Variants in RBFOX1 observed in about 807,000 individuals in gnomAD.
RBFOX1 encodes the protein RNA binding fox-1 homolog 1.
A neutral mutation model predicts 57.7 loss-of-function variants in RBFOX1; 8 were observed. That is an observed-to-expected ratio of 0.14 (90% CI 0.08 to 0.25). RBFOX1 has a LOEUF of 0.25. Ranked by LOEUF, RBFOX1 falls within the 10% of genes least tolerant of loss-of-function variation. The pLI is 1.00. For synonymous variants in RBFOX1, 326 were observed against 222.4 expected (o/e 1.47, Z -4.15); for missense variants, 611 against 548.5 (o/e 1.11, Z -1.14).
intron 3 of RBFOX1, among the ~76,000 whole-genome samples, chr16:6,729,585 C>A (rs563510494): frequency 5.3e-4 from 80 of 152,210 alleles, no homozygotes; most frequent in African/African-American, 1.9e-3. Flanking sequence ...ATTATCAAAA[C>A]CCTAGAGGGA....
chr16:5,638,945 C>G (rs1596543318), intron 3 of RBFOX1, among the ~76,000 whole-genome samples: 1 of 152,172 alleles, frequency 6.6e-6, no homozygotes, highest in South Asian at 2.1e-4. Flanking sequence ...CTCTGTGATT[C>G]CTACAGAAAT....
At chr16:6,119,592 C>G (rs1012852441) in intron 1 of RBFOX1, among the ~76,000 whole-genome samples, 1 of 152,146 alleles carries the variant, frequency 6.6e-6, no homozygotes, top group Non-Finnish European at 1.5e-5. Flanking sequence ...ATTTTTCATT[C>G]TCCTCCATTT....
intron 2 of RBFOX1, among the ~76,000 whole-genome samples, chr16:6,551,735 T>A (rs2096992847): frequency 6.6e-6 from 1 of 152,134 alleles, no homozygotes; most frequent in Non-Finnish European, 1.5e-5. Context: ...GTCTGATGAT[T>A]GATAATAAGG....
At chr16:5,854,529 A>G (rs1370378733) in intron 3 of RBFOX1, among the ~76,000 whole-genome samples, 3 of 151,882 alleles carry the variant, frequency 2.0e-5, no homozygotes, top group Non-Finnish European at 4.4e-5. Context: ...AGGCTGAATA[A>G]TGGTGTTTAT....
chr16:6,460,943 T>C (rs1038194893), intron 2 of RBFOX1, among the ~76,000 whole-genome samples: 1 of 151,930 alleles, frequency 6.6e-6, no homozygotes, highest in Non-Finnish European at 1.5e-5. Flanking sequence ...ACTGAGATCA[T>C]GTCCTTTGCA....
At chr16:7,140,186 CT>C in intron 4 of RBFOX1, among the ~76,000 whole-genome samples, 1 of 144,730 alleles carries the variant, frequency 6.9e-6, no homozygotes, top group Admixed American at 6.8e-5. Context: ...CTCTCTCTCT[CT>C]CTCTCTCCCT....
At chr16:7,084,954 CTATG>C (rs747149636) in intron 4 of RBFOX1, among the ~76,000 whole-genome samples, 10 of 152,094 alleles carry the variant, frequency 6.6e-5, no homozygotes, top group Non-Finnish European at 1.3e-4. Flanking sequence ...ATTCATCTAT[CTATG>C]TATCTGTCTG....
intron 4 of RBFOX1, among the ~76,000 whole-genome samples, chr16:5,928,826 G>C (rs1464453801): frequency 6.6e-6 from 1 of 151,998 alleles, no homozygotes; most frequent in African/African-American, 2.4e-5. Context: ...TGGAAGGTTA[G>C]AAATCTTTTG....
In RBFOX1 at chr16:5,589,641, C is replaced by A. The variant is rs149959635; in HGVS notation, c.259-9261C>A. ...AGTGGCTAGTCCTAGGCCAGTTCTC[C>A]AGGATGTGTAACCTTTGGCAAAGTC... On this transcript the variant is annotated intron_variant, in intron 2 of 2. Coordinates refer to the RBFOX1 transcript ENST00000585867. 1.8e-3 allele frequency among the ~76,000 whole-genome samples: 275 copies of A among 152,304 alleles called. 1 individual carries two copies. The highest frequency in any genetic ancestry group is 6.3e-3 in the African/African-American group (263 of 41,560).
At chr16:5,938,198 T>C (rs1374869525) in intron 4 of RBFOX1, among the ~76,000 whole-genome samples, 2 of 152,184 alleles carry the variant, frequency 1.3e-5, no homozygotes, top group Non-Finnish European at 2.9e-5. Context: ...ATTCTACCTA[T>C]CTTGGTGTCT....
intron 4 of RBFOX1, among the ~76,000 whole-genome samples, chr16:7,223,840 A>G (rs189787728): frequency 6.6e-6 from 1 of 151,720 alleles, no homozygotes; most frequent in Non-Finnish European, 1.5e-5. Flanking sequence ...TTTTTTTGGT[A>G]GAAATAGCCA....
chr16:6,131,972 C>A (rs1381656673), intron 1 of RBFOX1, among the ~76,000 whole-genome samples: 1 of 152,176 alleles, frequency 6.6e-6, no homozygotes, highest in East Asian at 1.9e-4. Flanking sequence ...AACTGATCTG[C>A]CTTCGTGATG....
At chr16:7,021,605 T>G (rs1040947303) in intron 3 of RBFOX1, among the ~76,000 whole-genome samples, 4 of 146,486 alleles carry the variant, frequency 2.7e-5, no homozygotes, top group Admixed American at 6.9e-5. Context: ...ATTTTATTTT[T>G]TATAAAATAT....
intron 1 of RBFOX1, among the ~76,000 whole-genome samples, chr16:6,132,348 A>G (rs549380354): frequency 3.3e-5 from 5 of 152,326 alleles, no homozygotes; most frequent in Admixed American, 6.5e-5. Context: ...CTAGCATAGA[A>G]TCATGCGAAT....
intron 1 of RBFOX1, among the ~76,000 whole-genome samples, chr16:6,245,073 A>T (rs11077018): frequency 6.6e-6 from 1 of 151,988 alleles, no homozygotes; most frequent in Non-Finnish European, 1.5e-5. Context: ...TTCTTGGCAG[A>T]AGCTATATCT....
At chr16:5,511,380 G>A (rs1044038089) in intron 2 of RBFOX1, among the ~76,000 whole-genome samples, 8 of 152,150 alleles carry the variant, frequency 5.3e-5, no homozygotes, top group Non-Finnish European at 1.0e-4. Context: ...GTGGTGGGGG[G>A]TGCCTTTATT....
intron 3 of RBFOX1, among the ~76,000 whole-genome samples, chr16:5,825,386 A>G (rs1221370103): frequency 1.3e-5 from 2 of 152,208 alleles, no homozygotes; most frequent in African/African-American, 4.8e-5. Flanking sequence ...CATTTCCTGT[A>G]TACAATCACA....
At chr16:7,140,974 G>A (rs2073606694) in intron 4 of RBFOX1, among the ~76,000 whole-genome samples, 2 of 152,192 alleles carry the variant, frequency 1.3e-5, no homozygotes, top group African/African-American at 4.8e-5. Flanking sequence ...GAGAAGGAGG[G>A]AGTGAAGAGG....
chr16:7,150,373 T>C (rs1048627075), intron 4 of RBFOX1, among the ~76,000 whole-genome samples: 1 of 152,132 alleles, frequency 6.6e-6, no homozygotes, highest in Non-Finnish European at 1.5e-5. Flanking sequence ...TGCCCTATGA[T>C]TTGAGATTAT....
Sources: gnomAD v4.1 joint callset for allele counts (sites outside exome capture counted in the v4.1 genomes callset) on GRCh38, gnomAD v4.1.1 for gene constraint, MANE v1.5 for transcripts, NCBI Gene and HGNC (gene_info 2026-07-23, HGNC 2026-07-21) for gene names.